Variants in COL9A1 observed in about 807,000 individuals in gnomAD.
COL9A1 encodes collagen alpha-1(IX) chain.
A neutral mutation model predicts 142.6 loss-of-function variants in COL9A1; 104 were observed. The ratio of observed to expected loss-of-function variants is 0.73; its 90% CI spans 0.62 to 0.86. COL9A1 has a LOEUF of 0.86. COL9A1 is among the 40% of genes least tolerant of loss of function. The probability of loss-of-function intolerance (pLI) is 0.00; values close to 1 mark genes in which losing one functional copy is unlikely to be tolerated. For missense variants in COL9A1, 1,210 were observed against 1,176.6 expected (o/e 1.03, Z -0.42); for synonymous variants, 466 against 396.0 (o/e 1.18, Z -2.10).
rs1768581523 is a variant in COL9A1 at position 70,217,231 on chromosome 6, A to T, written c.2582-150T>A. The stretch of plus-strand genomic sequence containing the variant: ...TGACTGGTGATGATTGGTGATGATG[A>T]TGATGATGATGATAATAAGATCCCT... On this transcript the variant is annotated intron_variant, in intron 37 of 37. Transcript: ENST00000357250. 1.4e-5 allele frequency: 10 copies of T among 719,662 alleles called. No homozygotes were observed. In the South Asian group the frequency reaches 1.6e-4, roughly 12 times the overall value. 44.6% of individuals were successfully genotyped at this position (719,662 alleles called of 1,614,324 possible).
chr6:70,226,713 C>T (rs1278612571), intron 36 of COL9A1, among the ~76,000 whole-genome samples: 1 of 152,028 alleles, frequency 6.6e-6, no homozygotes, highest in African/African-American at 2.4e-5. Context: ...TTCTAAAGGA[C>T]ACCAGAAGAC....
At chr6:70,301,970 T>C (rs1464284587) in intron 2 of COL9A1, 31 bp downstream of exon 2, 3 of 1,565,070 alleles carry the variant, frequency 1.9e-6, no homozygotes, top group Non-Finnish European at 2.6e-6. Context: ...GAATAAGTGA[T>C]CTTTGAAAGT....
At chr6:70,279,595 C>A (rs1264318829) in intron 10 of COL9A1, 1 of 142,482 alleles carries the variant, frequency 7.0e-6, no homozygotes, top group Admixed American at 7.6e-5. Context: ...TTGCAGTGAG[C>A]CGAGATCGTG....
At chr6:70,234,087 AATGTCCTTATGCTTCCTATGGGC>A (rs1769731130) in intron 35 of COL9A1, among the ~76,000 whole-genome samples, 1 of 152,216 alleles carries the variant, frequency 6.6e-6, no homozygotes, top group Non-Finnish European at 1.5e-5. Flanking sequence ...GAATGGCGAT[AATGTCCTTATGCTTCCTATGGGC>A]ATGGAGTCTG....
chr6:70,269,542 T>C (rs1386984480), intron 16 of COL9A1, 91 bp downstream of exon 16: 2 of 900,444 alleles, frequency 2.2e-6, no homozygotes, highest in Non-Finnish European at 3.7e-6. Flanking sequence ...ACACATAGAA[T>C]ATTCCAGGGA....
intron 37 of COL9A1, among the ~76,000 whole-genome samples, chr6:70,218,476 T>C (rs1768671112): frequency 6.6e-6 from 1 of 152,194 alleles, no homozygotes; most frequent in South Asian, 2.1e-4. Flanking sequence ...TTTCACACAA[T>C]TATTGCAAAA....
intron 33 of COL9A1, among the ~76,000 whole-genome samples, chr6:70,237,258 G>A (rs1769969501): frequency 6.6e-6 from 1 of 152,216 alleles, no homozygotes; most frequent in South Asian, 2.1e-4. Flanking sequence ...TACAGTAAGA[G>A]CTGGGAACTT....
intron 37 of COL9A1, chr6:70,222,946 G>C (rs1768982518): frequency 6.6e-6 from 1 of 152,048 alleles, no homozygotes; most frequent in African/African-American, 2.4e-5. Flanking sequence ...GTTTTTGAGA[G>C]ATCAGAAATC....
chr6:70,282,336 T>G lies in COL9A1; in HGVS notation c.801+562A>C, dbSNP rs553018891. 9.2e-5 allele frequency among the ~76,000 whole-genome samples: 14 copies of G among 152,248 alleles called. No homozygotes were observed. The East Asian group carries it at 2.7e-3, about 29-fold the overall frequency. The stretch of plus-strand genomic sequence containing the variant: ...AAACCTCAAACCTCAGCTGGGCTTA[T>G]GCGCCCCCGCCGGGTCCTCCCTCGC... On this transcript the variant is annotated intron_variant, in intron 7 of 37. Coordinates refer to ENST00000357250, the MANE Select transcript of COL9A1 (RefSeq NM_001851.6).
chr6:70,254,653 T>C lies in COL9A1; in HGVS notation c.1666-124A>G, dbSNP rs370581684. 771 of 874,160 alleles carry C rather than the reference T, an allele frequency of 8.8e-4. 1 individual carries two copies. The highest frequency in any genetic ancestry group is 1.2e-3 in the Non-Finnish European group (653 of 530,660). The allele number at this position is 874,160 out of a possible 1,614,324, so 54.2% of individuals were successfully genotyped here. ...CCCAACAGCTGACTTTACATGCACT[T>C]TTATAAAGTGACTTAATTTAGGGTG... On this transcript the variant is annotated intron_variant, in intron 24 of 37. Coordinates refer to ENST00000357250, the MANE Select transcript of COL9A1 (RefSeq NM_001851.6).
At chr6:70,254,637 T>C (rs1771156254) in intron 24 of COL9A1, 108 bp from the exon 25 acceptor site, 1 of 987,782 alleles carries the variant, frequency 1.0e-6, no homozygotes, top group African/African-American at 1.6e-5. Context: ...TCCCAACAGC[T>C]GACTTTACAT....
chr6:70,235,039 C>A, intron 33 of COL9A1, 99 bp from the exon 34 acceptor site: 1 of 1,429,824 alleles, frequency 7.0e-7, no homozygotes, highest in South Asian at 1.2e-5. Context: ...CGGTTTCCTG[C>A]ACTCTGCATC....
intron 25 of COL9A1, among the ~76,000 whole-genome samples, chr6:70,253,926 G>C (rs748174043): frequency 2.0e-5 from 3 of 152,190 alleles, no homozygotes; most frequent in Non-Finnish European, 4.4e-5. Context: ...TTATTTAAAA[G>C]ATTGGGGGCC....
chr6:70,281,446 G>A lies in COL9A1; in HGVS notation c.820C>T (p.Gln274Ter). The A allele has an allele frequency of 6.2e-7, 1 of 1,612,894 alleles. No individual in the cohort carries two copies. Among genetic ancestry groups the A allele is most frequent in the South Asian group, 1.1e-5 (1 of 90,898 alleles). The change falls in exon 8 of 38, where the codon CAG (glutamine) becomes TAG (stop). Residue 274 changes from glutamine (Q) to a stop codon, truncating the protein, a stop_gained. Coordinates refer to ENST00000357250, the MANE Select transcript of COL9A1 (RefSeq NM_001851.6). LOFTEE classifies it high-confidence loss of function. ...GGGCCCGGAGGCCCGGGAGGACCCTGCTCACCCGGGGGACCTCTCTGGCAA... is the reference window on the plus strand; with the variant it reads ...GGGCCCGGAGGCCCGGGAGGACCCTACTCACCCGGGGGACCTCTCTGGCAA... ...TTDERGPPGEQGPPGPPGPPG... is the reference protein window; with the variant it reads ...TTDERGPPGE
chr6:70,266,542 G>A (rs1400092924), intron 18 of COL9A1, among the ~76,000 whole-genome samples, 175 bp downstream of exon 18: 2 of 152,126 alleles, frequency 1.3e-5, no homozygotes, highest in African/African-American at 4.8e-5. Context: ...AACAACTTCA[G>A]AATATGATAT....
At chr6:70,283,117 A>G in intron 6 of COL9A1, 199 bp from the exon 7 acceptor site, 2 of 1,465,336 alleles carry the variant, frequency 1.4e-6, no homozygotes, top group Non-Finnish European at 1.8e-6. Context: ...AGGCTTCCAG[A>G]CCCGCCACTA....
rs149636555 is a variant in COL9A1 at position 70,293,038 on chromosome 6, C to G, written c.696+1129G>C. Among the ~76,000 whole-genome samples the G allele has an allele frequency of 2.0e-3, 310 of 152,310 alleles. 2 individuals are homozygous for G. The highest frequency in any genetic ancestry group is 7.3e-3 in the African/African-American group (303 of 41,566). On this transcript the variant is annotated intron_variant, in intron 5 of 37. Coordinates refer to ENST00000357250, the MANE Select transcript of COL9A1 (RefSeq NM_001851.6). The stretch of plus-strand genomic sequence containing the variant: ...CTAATCACAATTCTTCCCTTGAAAA[C>G]AAGTTATTTGAACAATTCCATTACT...
chr6:70,282,872 G>C (rs1168018502), intron 7 of COL9A1, 26 bp downstream of exon 7: 1 of 1,614,124 alleles, frequency 6.2e-7, no homozygotes. Context: ...CTTGAAAAAT[G>C]CAAACACTCC....
chr6:70,283,597 C>T, intron 6 of COL9A1, 140 bp downstream of exon 6: 1 of 755,838 alleles, frequency 1.3e-6, no homozygotes, highest in South Asian at 1.5e-5. Flanking sequence ...TTTCTCTAGT[C>T]AGTACAGCAA....
Sources: gnomAD v4.1 joint callset for allele counts (sites outside exome capture counted in the v4.1 genomes callset) on GRCh38, gnomAD v4.1.1 for gene constraint, MANE v1.5 for transcripts, NCBI Gene and HGNC (gene_info 2026-07-23, HGNC 2026-07-21) for gene names.